Variants in JMJD1C observed in about 807,000 individuals in gnomAD.
JMJD1C encodes the protein jumonji domain-containing protein 1C.
JMJD1C carries 31 observed loss-of-function variants against 245.3 expected under a neutral mutation model. The observed-to-expected ratio is 0.13, with a 90% CI of 0.09 to 0.17. JMJD1C has a LOEUF of 0.17. Among genes scored for constraint, JMJD1C ranks in the 10% least tolerant of loss-of-function variants. JMJD1C has a pLI of 1.00. For synonymous variants in JMJD1C, 1,057 were observed against 1,017.4 expected (o/e 1.04, Z -0.74); for missense variants, 2,691 against 3,000.2 (o/e 0.90, Z 2.41).
At chr10:63,520,063 G>A (rs1046047770) in intron 1 of JMJD1C, among the ~76,000 whole-genome samples, 8 of 152,132 alleles carry the variant, frequency 5.3e-5, no homozygotes, top group Non-Finnish European at 8.8e-5. Context: ...ATTAATAAGC[G>A]AAAAGAACCT....
chr10:63,326,889 A>C (rs1321850155), intron 2 of JMJD1C, among the ~76,000 whole-genome samples: 2 of 152,032 alleles, frequency 1.3e-5, no homozygotes, highest in Admixed American at 1.3e-4. Flanking sequence ...CAAAACAAAA[A>C]ACAAACAAAA....
intron 10 of JMJD1C, chr10:63,202,987 T>TA: frequency 1.0e-6 from 1 of 984,970 alleles, no homozygotes; most frequent in Non-Finnish European, 1.2e-6. Context: ...TGGATCACCA[T>TA]ACCACTGTGA....
intron 2 of JMJD1C, among the ~76,000 whole-genome samples, chr10:63,282,795 C>T (rs1205996353): frequency 1.3e-5 from 2 of 152,138 alleles, no homozygotes; most frequent in Non-Finnish European, 1.5e-5. Flanking sequence ...CGGCTCACTG[C>T]AACCGCCGCC....
chr10:63,277,007 G>A (rs1357298313), intron 2 of JMJD1C, among the ~76,000 whole-genome samples: 2 of 147,226 alleles, frequency 1.4e-5, no homozygotes, highest in South Asian at 2.2e-4. Context: ...TCAGCCTCCC[G>A]AGTAGCTGGG....
At chr10:63,305,369 A>AAC (rs1176280195) in intron 2 of JMJD1C, among the ~76,000 whole-genome samples, 1 of 85,676 alleles carries the variant, frequency 1.2e-5, no homozygotes, top group Non-Finnish European at 3.3e-5. Context: ...TCCACCTCAA[A>AAC]AAAAAAACAA....
rs149763976 is a variant in JMJD1C, at chr10:63,465,715, A to T, written c.-53T>A. The T allele has an allele frequency of 6.3e-7, 1 of 1,590,994 alleles. No homozygotes were observed. Among genetic ancestry groups the T allele is most frequent in the Non-Finnish European group, 8.5e-7 (1 of 1,171,154 alleles). On this transcript the variant is annotated 5_prime_UTR_variant, in exon 1 of 26. Transcript: ENST00000399262. ...CTCCTCCAGTGCGAGGGAACCGATG[A>T]AACCTCACTCCTACCGGCCGCTCAT...
chr10:63,521,665 T>A, intron 1 of JMJD1C: 1 of 1,004,288 alleles, frequency 1.0e-6, no homozygotes. Flanking sequence ...AGGGAAGGCC[T>A]GGGCCTGGGC....
intron 10 of JMJD1C, 93 bp from the exon 11 acceptor site, chr10:63,200,770 T>C (rs1845918777): frequency 7.3e-6 from 8 of 1,098,712 alleles, no homozygotes; most frequent in African/African-American, 1.6e-5. Context: ...ACAATTGTGA[T>C]GATACGGTAA....
chr10:63,277,731 CTTTTTTTTTTT>C (rs35442695), intron 2 of JMJD1C, among the ~76,000 whole-genome samples: 5 of 64,260 alleles, frequency 7.8e-5, no homozygotes, highest in Non-Finnish European at 1.3e-4. Flanking sequence ...ATTTGCATTT[CTTTTTTTTTTT>C]TTTTTTTTTT....
intron 2 of JMJD1C, among the ~76,000 whole-genome samples, chr10:63,309,871 C>T (rs1358160806): frequency 6.6e-6 from 1 of 151,998 alleles, no homozygotes; most frequent in Non-Finnish European, 1.5e-5. Flanking sequence ...GAGCCAAGAT[C>T]GCGCCATTGC....
At position 63,278,345 on chromosome 10, in the gene JMJD1C, GAAT is replaced by G. The variant is rs59676296; in HGVS notation, c.334-13584_334-13582del. On this transcript the variant is annotated intron_variant, in intron 2 of 25. Coordinates refer to ENST00000399262, the MANE Select transcript of JMJD1C (RefSeq NM_032776.3). ...TACTAAAAATACAACAATTAAAAGA[GAAT>G]AATAATAATAATAATAATAATAATA... Among the ~76,000 whole-genome samples the G allele has an allele frequency of 5.2e-4, 75 of 142,952 alleles. 1 individual carries two copies. Among genetic ancestry groups the G allele is most frequent in the East Asian group, 1.6e-3 (8 of 4,906 alleles). 93.8% of individuals were successfully genotyped at this position (142,952 alleles called of 152,430 possible). A position where few individuals can be genotyped will look rare whatever the true frequency, so the allele number is the denominator to read the frequency against.
intron 1 of JMJD1C, among the ~76,000 whole-genome samples, chr10:63,407,808 T>A (rs1949257393): frequency 1.4e-5 from 2 of 141,704 alleles, no homozygotes. Context: ...TACAACAATC[T>A]GGAGAAACAA....
At position 63,207,968 on chromosome 10, in the gene JMJD1C, G is replaced by A. The variant is rs1237216547; in HGVS notation, c.3701C>T (p.Pro1234Leu). ...ACCACCAGCATTTACTGGCATCACC[G>A]GAGTTAAAGTTGGAGGGGAAAGACT... ...YSSLSPPTLT[P>L]VMPVNAGGKV... The change falls in exon 10 of 26, where the codon CCG becomes CTG. Residue 1234 changes from proline (P) to leucine (L), a missense_variant. Pro to Leu is a moderately conservative substitution (Grantham distance 98). Coordinates refer to ENST00000399262, the MANE Select transcript of JMJD1C (RefSeq NM_032776.3). 21 of 1,614,006 alleles carry A rather than the reference G, an allele frequency of 1.3e-5. No individual in the cohort carries two copies. Among genetic ancestry groups the A allele is most frequent in the East Asian group, 6.7e-5 (3 of 44,896 alleles).
At position 63,465,788 on chromosome 10, in the gene JMJD1C, G is replaced by T; in HGVS notation, c.-126C>A. On this transcript the variant is annotated 5_prime_UTR_variant, in exon 1 of 26. The change creates a new upstream start codon in the 5' untranslated region. Transcript: ENST00000399262. ...ACAGCAGCGGACCCGAAAGAGCGCA[G>T]ACTCGGGACGAACCGGCCGCTCTGC... 2 of 1,154,880 alleles carry T rather than the reference G, an allele frequency of 1.7e-6. No individual in the cohort carries two copies. Among genetic ancestry groups the T allele is most frequent in the Non-Finnish European group, 2.5e-6 (2 of 795,678 alleles). The allele number at this position is 1,154,880 out of a possible 1,614,324, so 71.5% of individuals were successfully genotyped here. A position where few individuals can be genotyped will look rare whatever the true frequency, so the allele number is the denominator to read the frequency against.
At chr10:63,304,435 A>C (rs549590227) in intron 2 of JMJD1C, among the ~76,000 whole-genome samples, 3 of 152,284 alleles carry the variant, frequency 2.0e-5, no homozygotes, top group East Asian at 1.9e-4. Context: ...AAAACAAAAA[A>C]CACCAAAAAA....
At chr10:63,358,769 CA>C (rs1365855698) in intron 2 of JMJD1C, 1 of 152,886 alleles carries the variant, frequency 6.5e-6, no homozygotes, top group Non-Finnish European at 1.5e-5. Context: ...CTCCATAACC[CA>C]GGGGCTGTTA....
chr10:63,371,823 G>A (rs1946347474), intron 2 of JMJD1C, among the ~76,000 whole-genome samples: 1 of 152,122 alleles, frequency 6.6e-6, no homozygotes. Context: ...ATCTCTTAAA[G>A]TGCTTTACCT....
chr10:63,290,981 T>C (rs1379112184), intron 2 of JMJD1C, among the ~76,000 whole-genome samples: 3 of 152,128 alleles, frequency 2.0e-5, no homozygotes, highest in East Asian at 1.9e-4. Context: ...AAAAATCTGA[T>C]TGCAATTACA....
chr10:63,476,113 G>A (rs576705416), intron 1 of JMJD1C, among the ~76,000 whole-genome samples: 1 of 152,030 alleles, frequency 6.6e-6, no homozygotes, highest in African/African-American at 2.4e-5. Flanking sequence ...GAGAGGCTGA[G>A]GCAGGAGAAT....
Sources: gnomAD v4.1 joint callset for allele counts (sites outside exome capture counted in the v4.1 genomes callset) on GRCh38, gnomAD v4.1.1 for gene constraint, MANE v1.5 for transcripts, NCBI Gene and HGNC (gene_info 2026-07-23, HGNC 2026-07-21) for gene names.